CCM2: variants seen among roughly 807,000 people sequenced by gnomAD.
CCM2 encodes the protein cerebral cavernous malformations 2 protein.
In CCM2, 25 loss-of-function variants were observed where a neutral mutation model predicts 44.9. The ratio of observed to expected loss-of-function variants is 0.56; its 90% CI spans 0.41 to 0.78. The LOEUF is 0.78. Among genes scored for constraint, CCM2 ranks in the 30% least tolerant of loss-of-function variants. CCM2 has a pLI of 0.00. For synonymous variants in CCM2, 219 were observed against 241.1 expected (o/e 0.91, Z 0.85); for missense variants, 481 against 580.6 (o/e 0.83, Z 1.76).
chr7:45,004,009 A>G (rs764553351), intron 1 of CCM2, among the ~76,000 whole-genome samples: 5 of 152,094 alleles, frequency 3.3e-5, no homozygotes, highest in African/African-American at 4.8e-5. Flanking sequence ...GTGAGACCCT[A>G]TCTCTACAAA....
intron 1 of CCM2, chr7:45,027,834 A>G (rs769076048): frequency 1.2e-6 from 2 of 1,608,366 alleles, no homozygotes; most frequent in South Asian, 1.1e-5. Flanking sequence ...GCCATTTAGA[A>G]TGATGATGGT....
At chr7:45,045,852 A>G (rs930776535) in intron 2 of CCM2, among the ~76,000 whole-genome samples, 2 of 152,234 alleles carry the variant, frequency 1.3e-5, no homozygotes, top group Non-Finnish European at 2.9e-5. Context: ...AACAATGAAT[A>G]TGTGGATATC....
At chr7:45,061,631 A>C (rs1562904573) in intron 2 of CCM2, among the ~76,000 whole-genome samples, 1 of 151,528 alleles carries the variant, frequency 6.6e-6, no homozygotes, top group African/African-American at 2.4e-5. Context: ...GTGCCCAACT[A>C]TTTTGTTGTT....
intron 2 of CCM2, among the ~76,000 whole-genome samples, chr7:45,046,651 T>C (rs577570760): frequency 1.3e-5 from 2 of 152,310 alleles, no homozygotes; most frequent in Admixed American, 1.3e-4. Flanking sequence ...GGATAAAACA[T>C]AGAAAATCTT....
At chr7:45,037,937 G>A (rs1359678008) in intron 1 of CCM2, among the ~76,000 whole-genome samples, 2 of 152,216 alleles carry the variant, frequency 1.3e-5, no homozygotes, top group Non-Finnish European at 2.9e-5. Context: ...TCTTCTGTGG[G>A]GAATCTCCCC....
At chr7:45,007,787 C>T (rs1001721710) in intron 1 of CCM2, among the ~76,000 whole-genome samples, 1 of 147,700 alleles carries the variant, frequency 6.8e-6, no homozygotes, top group Admixed American at 6.6e-5. Flanking sequence ...AGCCTAAACC[C>T]GTGGTGTCAC....
chr7:44,999,866 T>C, upstream of CCM2: 1 of 398,404 alleles, frequency 2.5e-6, no homozygotes, highest in Non-Finnish European at 5.1e-6. Context: ...AGGTGCGTTC[T>C]CGCGGCCGTG....
chr7:45,043,757 A>G, intron 2 of CCM2: 1 of 387,532 alleles, frequency 2.6e-6, no homozygotes, highest in Non-Finnish European at 4.9e-6. Flanking sequence ...ATGCCCTTTC[A>G]TTTTTCTCTC....
intron 4 of CCM2, 32 bp from the exon 5 acceptor site, chr7:45,068,411 T>G: frequency 6.2e-7 from 1 of 1,612,936 alleles, no homozygotes; most frequent in Non-Finnish European, 8.5e-7. Context: ...GCCCTTCCAC[T>G]GTGCTAAACT....
chr7:45,060,573 A>G (rs958333288), intron 2 of CCM2, among the ~76,000 whole-genome samples: 1 of 152,176 alleles, frequency 6.6e-6, no homozygotes, highest in African/African-American at 2.4e-5. Flanking sequence ...CATTGCACAT[A>G]TGTTACACTT....
At chr7:45,030,050 C>T (rs1796888002) in intron 1 of CCM2, among the ~76,000 whole-genome samples, 1 of 152,200 alleles carries the variant, frequency 6.6e-6, no homozygotes, top group East Asian at 1.9e-4. Flanking sequence ...GTTCCCTCCT[C>T]CTGGCTCCGT....
intron 2 of CCM2, among the ~76,000 whole-genome samples, chr7:45,040,502 C>G (rs1007101274): frequency 6.6e-6 from 1 of 151,952 alleles, no homozygotes; most frequent in African/African-American, 2.4e-5. Flanking sequence ...ATCTGACTCC[C>G]AAGAAAAAAG....
intron 2 of CCM2, among the ~76,000 whole-genome samples, chr7:45,056,896 A>G (rs1345155512): frequency 2.0e-5 from 3 of 152,314 alleles, no homozygotes; most frequent in East Asian, 1.9e-4. Flanking sequence ...GATAAATCCA[A>G]TATCATGAAG....
chr7:45,046,706 C>A (rs1422597941), intron 2 of CCM2, among the ~76,000 whole-genome samples: 1 of 152,138 alleles, frequency 6.6e-6, no homozygotes. Flanking sequence ...ATACCTAAAG[C>A]ATAATTCATA....
rs752378325 is a variant in CCM2, at chr7:45,073,466, C to G, written c.810C>G (p.Phe270Leu). 5 of 1,613,272 alleles carry G rather than the reference C, an allele frequency of 3.1e-6. No homozygotes were observed. The highest frequency in any genetic ancestry group is 4.2e-6 in the Non-Finnish European group (5 of 1,179,702). The stretch of plus-strand genomic sequence containing the variant: ...ATACCACATTCTTTCGCAGCTGCTT[C>G]CCTGAATCTGTGGATGTGGGTGGTG... ...TYEVEASTFC[F>L]PESVDVGGAS... The change falls in exon 8 of 10, where the codon TTC becomes TTG. Residue 270 changes from phenylalanine to leucine, a missense_variant. By Grantham distance (22) the Phe-to-Leu change is conservative. Coordinates refer to ENST00000258781, the MANE Select transcript of CCM2 (RefSeq NM_031443.4).
intron 1 of CCM2, among the ~76,000 whole-genome samples, chr7:45,007,413 C>G (rs544111377): frequency 2.2e-4 from 33 of 152,290 alleles, no homozygotes; most frequent in African/African-American, 7.5e-4. Context: ...ACAGCAACTG[C>G]TCTTCAAATG....
chr7:45,041,811 A>T lies in CCM2; in HGVS notation c.204+3385A>T, dbSNP rs79595274. On this transcript the variant is annotated intron_variant, in intron 2 of 9. Coordinates refer to ENST00000258781, the MANE Select transcript of CCM2 (RefSeq NM_031443.4). ...GTGTGGTTCTGGAGTGTTAGTGGAGACCACATTGGGTGGGGCAGTAATGAG... is the reference window on the plus strand; with the variant it reads ...GTGTGGTTCTGGAGTGTTAGTGGAGTCCACATTGGGTGGGGCAGTAATGAG... Among the ~76,000 whole-genome samples, 34 of 152,256 alleles carry T rather than the reference A, an allele frequency of 2.2e-4. No homozygotes were observed. In the East Asian group the frequency reaches 6.4e-3, roughly 29 times the overall value.
chr7:45,009,014 AT>A (rs1247133694), intron 1 of CCM2, among the ~76,000 whole-genome samples: 9 of 152,008 alleles, frequency 5.9e-5, no homozygotes, highest in Non-Finnish European at 1.3e-4. Flanking sequence ...TATGATGAAA[AT>A]TTTTGGGACA....
At position 45,000,272 on chromosome 7, in the gene CCM2, G is replaced by A. The variant is rs989509190; in HGVS notation, c.-62G>A. 2.9e-5 allele frequency: 33 copies of A among 1,119,914 alleles called. No individual in the cohort carries two copies. In the South Asian group the frequency reaches 5.1e-4, roughly 17 times the overall value. The allele number at this position is 1,119,914 out of a possible 1,614,324, so 69.4% of individuals were successfully genotyped here. A position where few individuals can be genotyped will look rare whatever the true frequency, so the allele number is the denominator to read the frequency against. ...GGCGGGCCCGGGTCGAGCATGTAGC[G>A]GCTGCTGGCGGCGGGGCTCCCGGGG... On this transcript the variant is annotated 5_prime_UTR_variant, in exon 1 of 10. Coordinates refer to ENST00000258781, the MANE Select transcript of CCM2 (RefSeq NM_031443.4).
Sources: gnomAD v4.1 joint callset for allele counts (sites outside exome capture counted in the v4.1 genomes callset) on GRCh38, gnomAD v4.1.1 for gene constraint, MANE v1.5 for transcripts, NCBI Gene and HGNC (gene_info 2026-07-23, HGNC 2026-07-21) for gene names.